CADPS: variants seen among roughly 807,000 people sequenced by gnomAD.
The protein encoded by CADPS is calcium dependent secretion activator, also known as calcium-dependent secretion activator 1.
A neutral mutation model predicts 167.3 loss-of-function variants in CADPS; 57 were observed. The ratio of observed to expected loss-of-function variants is 0.34; its 90% CI spans 0.28 to 0.42. The LOEUF (loss-of-function observed/expected upper bound fraction) is 0.42, where lower values mean the gene tolerates loss of function less well. CADPS is among the 20% of genes least tolerant of loss of function. The probability of loss-of-function intolerance (pLI) is 1.00; values close to 1 mark genes in which losing one functional copy is unlikely to be tolerated. For missense variants in CADPS, 1,414 were observed against 1,738.1 expected, an observed-to-expected ratio of 0.81 and a Z score of 3.32; for synonymous variants, 676 against 635.3, an observed-to-expected ratio of 1.06 and a Z score of -0.96.
intron 28 of CADPS, among the ~76,000 whole-genome samples, chr3:62,407,615 A>G (rs537295769): frequency 1.3e-5 from 2 of 152,356 alleles, no homozygotes; most frequent in South Asian, 2.1e-4. Context: ...TACTGTGAGC[A>G]TTAAAAGAAA....
intron 3 of CADPS, among the ~76,000 whole-genome samples, chr3:62,670,533 G>A (rs556696769): frequency 2.6e-5 from 4 of 152,094 alleles, no homozygotes; most frequent in African/African-American, 9.6e-5. Context: ...CAAAATGCAG[G>A]GTTTAGCTCC....
intron 1 of CADPS, among the ~76,000 whole-genome samples, chr3:62,796,945 A>G (rs1279618763): frequency 6.6e-6 from 1 of 152,204 alleles, no homozygotes; most frequent in Non-Finnish European, 1.5e-5. Context: ...AATAAATGCT[A>G]GAATATTGCG....
At chr3:62,584,367 C>T (rs1020684983) in intron 8 of CADPS, among the ~76,000 whole-genome samples, 1 of 152,100 alleles carries the variant, frequency 6.6e-6, no homozygotes. Context: ...TATACATATA[C>T]CCAAAAAAGA....
intron 16 of CADPS, 79 bp downstream of exon 16, chr3:62,515,980 C>T (rs745964905): frequency 4.5e-6 from 7 of 1,556,588 alleles, no homozygotes; most frequent in Non-Finnish European, 6.2e-6. Context: ...TTTCAGGTGC[C>T]CTTGAGAAAA....
chr3:62,584,086 C>T (rs545037623), intron 8 of CADPS, among the ~76,000 whole-genome samples: 172 of 151,284 alleles, frequency 1.1e-3, no homozygotes, highest in South Asian at 7.1e-3. Context: ...CTCACAGCAA[C>T]CTCTGCCTCC....
At chr3:62,777,210 A>G (rs1462024508) in intron 1 of CADPS, among the ~76,000 whole-genome samples, 1 of 152,238 alleles carries the variant, frequency 6.6e-6, no homozygotes, top group Non-Finnish European at 1.5e-5. Context: ...TTTCCAGAGA[A>G]AAAGCTGAAA....
intron 3 of CADPS, among the ~76,000 whole-genome samples, chr3:62,670,955 G>A (rs1371211960): frequency 6.6e-6 from 1 of 152,160 alleles, no homozygotes; most frequent in East Asian, 1.9e-4. Context: ...TTCCACCCCA[G>A]AGCAGTCATA....
At chr3:62,871,168 G>A (rs2082566940) in intron 1 of CADPS, among the ~76,000 whole-genome samples, 1 of 152,108 alleles carries the variant, frequency 6.6e-6, no homozygotes, top group African/African-American at 2.4e-5. Context: ...CTCAGTAAAA[G>A]TGAAACCAAA....
chr3:62,543,542 A>C (rs950561258), intron 11 of CADPS, among the ~76,000 whole-genome samples: 1 of 152,154 alleles, frequency 6.6e-6, no homozygotes, highest in African/African-American at 2.4e-5. Flanking sequence ...ATTCAAGAAA[A>C]GTAAAGTCAA....
intron 3 of CADPS, among the ~76,000 whole-genome samples, chr3:62,682,003 C>T (rs558867610): frequency 5.3e-5 from 8 of 151,974 alleles, no homozygotes; most frequent in Non-Finnish European, 7.4e-5. Context: ...TGATGCATTA[C>T]GAAGTATTTA....
intron 10 of CADPS, among the ~76,000 whole-genome samples, chr3:62,554,535 C>T (rs2077803888): frequency 6.6e-6 from 1 of 152,136 alleles, no homozygotes; most frequent in Admixed American, 6.5e-5. Context: ...CTGAAGTCCT[C>T]CCCATTTGCA....
intron 3 of CADPS, among the ~76,000 whole-genome samples, chr3:62,664,986 T>TGGAATA (rs1175116708): frequency 6.6e-6 from 1 of 152,218 alleles, no homozygotes; most frequent in African/African-American, 2.4e-5. Flanking sequence ...GTCAAGATAT[T>TGGAATA]GGAATAAGAA....
chr3:62,692,093 C>A (rs887128894), intron 3 of CADPS, among the ~76,000 whole-genome samples: 2 of 151,952 alleles, frequency 1.3e-5, no homozygotes, highest in African/African-American at 4.8e-5. Context: ...TACAAAAACT[C>A]TTGAAATATG....
At position 62,478,190 on chromosome 3, in the gene CADPS, C is replaced by A; in HGVS notation, c.3329+71G>T. On this transcript the variant is annotated intron_variant, in intron 23 of 29. Transcript: ENST00000383710. This position sits in a 1 kb window ranked among gnomAD's most constrained non-coding sequence, Gnocchi z 5.7. ...AAACTACAGCCAATTGAAAGAGCAG[C>A]CATCTACCCTTCCCTGAGTCTGTGT... The A allele has an allele frequency of 1.3e-6, 2 of 1,511,854 alleles. No homozygotes were observed. The highest frequency in any genetic ancestry group is 1.7e-5 in the Admixed American group (1 of 58,084). The allele number at this position is 1,511,854 out of a possible 1,614,324, so 93.7% of individuals were successfully genotyped here.
intron 6 of CADPS, among the ~76,000 whole-genome samples, chr3:62,594,038 G>A (rs2086675856): frequency 6.6e-6 from 1 of 152,032 alleles, no homozygotes. Context: ...CTAGAAAACA[G>A]CATAGATACA....
chr3:62,799,634 G>A (rs1576573882), intron 1 of CADPS, among the ~76,000 whole-genome samples: 1 of 152,200 alleles, frequency 6.6e-6, no homozygotes, highest in East Asian at 1.9e-4. Context: ...ATGTGACCCT[G>A]GGGCAGTTGC....
At position 62,801,225 on chromosome 3, in the gene CADPS, C is replaced by T. The variant is rs151148654; in HGVS notation, c.442-35241G>A. ...AAGAAAAGAAAGAACAGATGATCTA[C>T]TCCATAAATGCCATTGATGCAAGAA... On this transcript the variant is annotated intron_variant, in intron 1 of 29. Transcript: ENST00000383710. Among the ~76,000 whole-genome samples the T allele has an allele frequency of 8.1e-3, 1,230 of 152,210 alleles. 19 individuals carry two copies. The highest frequency in any genetic ancestry group is 0.028 in the African/African-American group (1,174 of 41,540).
chr3:62,532,156 C>T (rs1055783510), intron 13 of CADPS, among the ~76,000 whole-genome samples: 9 of 152,192 alleles, frequency 5.9e-5, no homozygotes, highest in African/African-American at 1.9e-4. Context: ...GTTCCTTTTG[C>T]CTGGAACCAC....
intron 1 of CADPS, among the ~76,000 whole-genome samples, chr3:62,831,507 C>A (rs1032670417): frequency 1.3e-5 from 2 of 152,066 alleles, no homozygotes; most frequent in Non-Finnish European, 2.9e-5. Context: ...GGTTCCATTA[C>A]CAAATTACTG....
Sources: allele counts gnomAD v4.1 joint callset (sites outside exome capture counted in the v4.1 genomes callset), GRCh38; gene constraint gnomAD v4.1.1; non-coding constraint Gnocchi (gnomAD v3.1); transcripts MANE v1.5; gene names NCBI Gene and HGNC (gene_info 2026-07-23, HGNC 2026-07-21).